The following CHL1 variants were observed in gnomAD, a reference collection of about 807,000 sequenced individuals.
The protein encoded by CHL1 is cell adhesion molecule L1 like.
Under a neutral mutation model 141.9 loss-of-function variants are expected in CHL1, and 96 were observed. That is an observed-to-expected ratio of 0.68 (90% CI 0.57 to 0.80). The LOEUF is 0.80. Among genes scored for constraint, CHL1 ranks in the 30% least tolerant of loss-of-function variants. CHL1 has a pLI of 0.00. For synonymous variants in CHL1, 613 were observed against 502.2 expected (o/e 1.22, Z -2.95); for missense variants, 1,820 against 1,457.2 (o/e 1.25, Z -4.05).
At chr3:229,968 C>T (rs538500458) in intron 1 of CHL1, among the ~76,000 whole-genome samples, 4 of 152,210 alleles carry the variant, frequency 2.6e-5, no homozygotes, top group Non-Finnish European at 4.4e-5. Context: ...GCTGTTGCTT[C>T]GTTTTGTTTA....
intron 1 of CHL1, among the ~76,000 whole-genome samples, chr3:229,711 T>G (rs561109418): frequency 3.0e-4 from 46 of 151,236 alleles, no homozygotes; most frequent in African/African-American, 1.0e-3. Context: ...GAGGTTTCAG[T>G]GGAATCTTTA....
chr3:244,727 A>G (rs1159959638), intron 2 of CHL1, 35 bp downstream of exon 2: 1 of 152,178 alleles, frequency 6.6e-6, no homozygotes, highest in Non-Finnish European at 1.5e-5. Context: ...TGTTTTATGC[A>G]TTTTTGATTG....
chr3:215,589 G>C lies in CHL1; in HGVS notation c.-175+18526G>C, dbSNP rs144257628. 1.5e-3 allele frequency among the ~76,000 whole-genome samples: 236 copies of C among 152,262 alleles called. 1 individual carries two copies. Among genetic ancestry groups the C allele is most frequent in the African/African-American group, 5.5e-3 (228 of 41,562 alleles). ...ACCACAAAGAAATAATGTTTCAGGA[G>C]ACGGATATGCGAAAGCCAATGTACA... On this transcript the variant is annotated intron_variant, in intron 1 of 27. Transcript: ENST00000256509.
chr3:399,972 A>G (rs1228165440), intron 26 of CHL1, among the ~76,000 whole-genome samples: 6 of 152,206 alleles, frequency 3.9e-5, no homozygotes, highest in African/African-American at 4.8e-5. Flanking sequence ...ATATACATGA[A>G]AACCATCATA....
chr3:366,443 C>T (rs1391398554), intron 15 of CHL1, among the ~76,000 whole-genome samples: 1 of 149,414 alleles, frequency 6.7e-6, no homozygotes, highest in African/African-American at 2.5e-5. Flanking sequence ...TGTACTCCAG[C>T]CTGGGGGACA....
intron 5 of CHL1, among the ~76,000 whole-genome samples, chr3:331,627 T>C (rs922492644): frequency 2.0e-5 from 3 of 152,158 alleles, no homozygotes; most frequent in African/African-American, 7.2e-5. Context: ...AGATCCTTTT[T>C]TTATTGAAAG....
chr3:354,274 A>G (rs919976407), intron 10 of CHL1, among the ~76,000 whole-genome samples: 2 of 152,168 alleles, frequency 1.3e-5, no homozygotes, highest in African/African-American at 4.8e-5. Context: ...GCAGCTTGAA[A>G]ATAACCTGTA....
At chr3:331,675 C>G (rs1203980754) in intron 5 of CHL1, among the ~76,000 whole-genome samples, 2 of 152,052 alleles carry the variant, frequency 1.3e-5, no homozygotes, top group African/African-American at 4.8e-5. Flanking sequence ...TAAGCCACAA[C>G]TCAGATAAAA....
chr3:333,603 G>A (rs1360797175), intron 5 of CHL1, among the ~76,000 whole-genome samples: 1 of 152,156 alleles, frequency 6.6e-6, no homozygotes, highest in Non-Finnish European at 1.5e-5. Flanking sequence ...ACATGGCACA[G>A]GGATTTTGTC....
Position 367,226 on chromosome 3 carries a change from A to T in CHL1, c.1751+1111A>T, listed in dbSNP as rs1389919051. The stretch of plus-strand genomic sequence containing the variant: ...TTGCATTGTTACTAAGTAAGGGTTA[A>T]AACTTAACCATCTTGGAGCCAAATC... On this transcript the variant is annotated intron_variant, in intron 15 of 27. Transcript: ENST00000256509. Among the ~76,000 whole-genome samples the T allele has an allele frequency of 3.3e-5, 5 of 152,248 alleles. No homozygotes were observed. In the East Asian group the frequency reaches 9.6e-4, roughly 29 times the overall value.
chr3:316,223 A>G (rs1172836658), intron 2 of CHL1, among the ~76,000 whole-genome samples: 2 of 151,984 alleles, frequency 1.3e-5, no homozygotes, highest in Non-Finnish European at 2.9e-5. Context: ...CTGCAGCTCT[A>G]TTTTACAGGT....
intron 1 of CHL1, among the ~76,000 whole-genome samples, chr3:218,698 A>G (rs1279371704): frequency 6.6e-6 from 1 of 152,224 alleles, no homozygotes; most frequent in East Asian, 1.9e-4. Context: ...TTGTGATATA[A>G]AGAATGACAT....
chr3:293,308 C>G (rs760022730), intron 2 of CHL1, among the ~76,000 whole-genome samples: 3 of 151,928 alleles, frequency 2.0e-5, no homozygotes, highest in Non-Finnish European at 4.4e-5. Context: ...TTGAGACCAG[C>G]CTTGCCAACA....
intron 2 of CHL1, among the ~76,000 whole-genome samples, chr3:307,178 A>T (rs2124948952): frequency 6.6e-6 from 1 of 152,312 alleles, no homozygotes; most frequent in South Asian, 2.1e-4. Flanking sequence ...TGAGAGTTTT[A>T]ATTTTCTCTT....
At chr3:292,324 C>T (rs969078145) in intron 2 of CHL1, among the ~76,000 whole-genome samples, 2 of 152,212 alleles carry the variant, frequency 1.3e-5, no homozygotes, top group African/African-American at 4.8e-5. Context: ...GCTGTGCTGT[C>T]TGCACATATT....
intron 9 of CHL1, among the ~76,000 whole-genome samples, chr3:349,125 A>T (rs570948949): frequency 6.6e-6 from 1 of 152,330 alleles, no homozygotes; most frequent in South Asian, 2.1e-4. Flanking sequence ...GAGAGAGAAG[A>T]CTTCCAAGGA....
intron 1 of CHL1, among the ~76,000 whole-genome samples, chr3:242,329 G>A (rs549430828): frequency 1.3e-4 from 19 of 151,454 alleles, no homozygotes; most frequent in East Asian, 2.0e-4. Flanking sequence ...GAGCGCGGTG[G>A]CTCACGCCTG....
rs146827938 is a variant in CHL1 at position 315,952 on chromosome 3, G to A, written c.-94-3731G>A. Among the ~76,000 whole-genome samples, 1,000 of 152,094 alleles carry A rather than the reference G, an allele frequency of 6.6e-3. 16 individuals are homozygous for A. The highest frequency in any genetic ancestry group is 0.014 in the Admixed American group (214 of 15,278). On this transcript the variant is annotated intron_variant, in intron 2 of 27. Transcript: ENST00000256509. ...CCAGAGGAAAAGGCTGGCCTGCTGC[G>A]GATGCACTATATTTTATAGACAGGC...
intron 2 of CHL1, among the ~76,000 whole-genome samples, chr3:272,229 C>A (rs886451094): frequency 6.6e-6 from 1 of 152,100 alleles, no homozygotes; most frequent in East Asian, 1.9e-4. Context: ...TGTAGCAATG[C>A]CAAAAATATT....
Sources: allele counts gnomAD v4.1 joint callset (sites outside exome capture counted in the v4.1 genomes callset), GRCh38; gene constraint gnomAD v4.1.1; transcripts MANE v1.5; gene names NCBI Gene and HGNC (gene_info 2026-07-23, HGNC 2026-07-21).